NRXN3: variants seen among roughly 807,000 people sequenced by gnomAD.
NRXN3 encodes the protein neurexin III.
In NRXN3, 32 loss-of-function variants were observed where a neutral mutation model predicts 137.6. That is an observed-to-expected ratio of 0.23 (90% CI 0.18 to 0.31). The LOEUF (loss-of-function observed/expected upper bound fraction) is 0.31. Among genes scored for constraint, NRXN3 ranks in the 10% least tolerant of loss-of-function variants. The pLI is 1.00. For missense variants in NRXN3, 1,574 were observed against 2,062.5 expected (o/e 0.76, Z 4.59); for synonymous variants, 798 against 784.5 (o/e 1.02, Z -0.29).
intron 10 of NRXN3, among the ~76,000 whole-genome samples, chr14:78,895,276 A>G (rs965867413): frequency 6.6e-6 from 1 of 151,932 alleles, no homozygotes; most frequent in African/African-American, 2.4e-5. Flanking sequence ...GTAACGGATA[A>G]CTTGCTGCAG....
intron 19 of NRXN3, chr14:79,760,625 A>C (rs889186795): frequency 3.3e-5 from 5 of 151,622 alleles, no homozygotes; most frequent in Non-Finnish European, 5.9e-5. Context: ...GATTTGTTTT[A>C]AAATGCAAAG....
intron 14 of NRXN3, among the ~76,000 whole-genome samples, chr14:78,976,689 T>C (rs902716711): frequency 1.3e-5 from 2 of 152,184 alleles, no homozygotes; most frequent in African/African-American, 4.8e-5. Context: ...AAGAGAGACA[T>C]AAATTGCAGT....
At chr14:79,435,249 T>C (rs1339365668) in intron 15 of NRXN3, among the ~76,000 whole-genome samples, 2 of 148,476 alleles carry the variant, frequency 1.3e-5, no homozygotes, top group African/African-American at 5.0e-5. Context: ...AGAATGTCAA[T>C]CGACAGGTGA....
chr14:78,607,380 G>A (rs2097261919), intron 4 of NRXN3, among the ~76,000 whole-genome samples: 1 of 152,166 alleles, frequency 6.6e-6, no homozygotes, highest in African/African-American at 2.4e-5. Context: ...GGACCAAGGT[G>A]TAAGAACTCA....
chr14:79,085,864 G>T (rs2047996133), intron 15 of NRXN3, among the ~76,000 whole-genome samples: 1 of 152,086 alleles, frequency 6.6e-6, no homozygotes, highest in African/African-American at 2.4e-5. Context: ...AATTTGAATG[G>T]TTTCCCTATG....
chr14:79,336,635 G>A (rs17109078), intron 15 of NRXN3, among the ~76,000 whole-genome samples: 2,430 of 152,264 alleles, frequency 0.016, 67 homozygotes, highest in African/African-American at 0.056. Flanking sequence ...TTAGGTTTCA[G>A]TAATGATTTC....
At position 79,149,066 on chromosome 14, in the gene NRXN3, A is replaced by G. The variant is rs113631256; in HGVS notation, c.3262+160925A>G. On this transcript the variant is annotated intron_variant, in intron 15 of 20. Transcript: ENST00000335750. ...ATGCATAAGAGGGTGAAAACCTCAC[A>G]TGAGTATTTTATGCACTACCATTTT... Among the ~76,000 whole-genome samples the G allele has an allele frequency of 4.6e-5, 7 of 152,290 alleles. 1 individual carries two copies. Among genetic ancestry groups the G allele is most frequent in the African/African-American group, 1.7e-4 (7 of 41,560 alleles).
chr14:78,966,834 A>C (rs1418677961), intron 12 of NRXN3, among the ~76,000 whole-genome samples: 1 of 152,238 alleles, frequency 6.6e-6, no homozygotes, highest in Non-Finnish European at 1.5e-5. Flanking sequence ...TTTCCTCAAG[A>C]CATTTTACTA....
At chr14:78,649,359 G>GC in intron 5 of NRXN3, 3 of 939,422 alleles carry the variant, frequency 3.2e-6, no homozygotes, top group Non-Finnish European at 4.2e-6. Flanking sequence ...GCCGTGTGTT[G>GC]CCCCCCTTTT....
At chr14:79,108,083 C>A (rs192637762) in intron 15 of NRXN3, among the ~76,000 whole-genome samples, 1 of 152,008 alleles carries the variant, frequency 6.6e-6, no homozygotes, top group Non-Finnish European at 1.5e-5. Context: ...GTAGTAGCTA[C>A]GTGTCACTGT....
At chr14:79,252,721 T>G (rs2076097677) in intron 15 of NRXN3, among the ~76,000 whole-genome samples, 1 of 152,172 alleles carries the variant, frequency 6.6e-6, no homozygotes, top group Admixed American at 6.5e-5. Flanking sequence ...TCCAAAGTGA[T>G]GACAAATACA....
intron 11 of NRXN3, 99 bp downstream of exon 11, chr14:78,957,460 G>C: frequency 7.4e-7 from 1 of 1,350,456 alleles, no homozygotes; most frequent in Non-Finnish European, 1.0e-6. Flanking sequence ...ATTTTGCATA[G>C]TAGAAGTCAC....
chr14:78,202,888 A>G (rs1276213966), intron 1 of NRXN3, among the ~76,000 whole-genome samples: 2 of 152,226 alleles, frequency 1.3e-5, no homozygotes, highest in Non-Finnish European at 2.9e-5. Context: ...TCTGTATTAC[A>G]TATGAGGACA....
At chr14:78,515,864 AC>A (rs2096198180) in intron 4 of NRXN3, among the ~76,000 whole-genome samples, 1 of 152,198 alleles carries the variant, frequency 6.6e-6, no homozygotes, top group Non-Finnish European at 1.5e-5. Context: ...GACGTCCTTA[AC>A]AAGAACATCA....
chr14:78,521,732 T>C (rs1381125457), intron 4 of NRXN3, among the ~76,000 whole-genome samples: 1 of 152,146 alleles, frequency 6.6e-6, no homozygotes, highest in Non-Finnish European at 1.5e-5. Context: ...CACAATGATA[T>C]ATAACTGGAT....
At chr14:79,227,414 C>CT (rs993482996) in intron 15 of NRXN3, among the ~76,000 whole-genome samples, 2 of 152,040 alleles carry the variant, frequency 1.3e-5, no homozygotes, top group Non-Finnish European at 2.9e-5. Flanking sequence ...CATGTGTACA[C>CT]TTTTTTTACC....
chr14:79,523,020 T>G, intron 16 of NRXN3, among the ~76,000 whole-genome samples: 1 of 146,468 alleles, frequency 6.8e-6, no homozygotes, highest in East Asian at 2.2e-4. Flanking sequence ...TTGCTTTCTC[T>G]CTTTCCTAGC....
intron 19 of NRXN3, among the ~76,000 whole-genome samples, chr14:79,743,515 C>A (rs1385322169): frequency 1.3e-5 from 2 of 152,108 alleles, no homozygotes; most frequent in African/African-American, 2.4e-5. Context: ...ATGACTTAAC[C>A]CCCCACCCCA....
At chr14:79,730,518 G>A (rs559125041) in intron 19 of NRXN3, among the ~76,000 whole-genome samples, 2 of 152,316 alleles carry the variant, frequency 1.3e-5, no homozygotes, top group South Asian at 2.1e-4. Flanking sequence ...ACACATTAGT[G>A]AATCAAGTCT....
Sources: allele counts gnomAD v4.1 joint callset (sites outside exome capture counted in the v4.1 genomes callset), GRCh38; gene constraint gnomAD v4.1.1; transcripts MANE v1.5; gene names NCBI Gene and HGNC (gene_info 2026-07-23, HGNC 2026-07-21).